The following MAK variants were observed in gnomAD, a reference collection of about 807,000 sequenced individuals.
MAK encodes male germ cell associated kinase, also known as serine/threonine-protein kinase MAK.
A neutral mutation model predicts 82.6 loss-of-function variants in MAK; 65 were observed. The observed-to-expected ratio is 0.79, with a 90% CI of 0.64 to 0.97. MAK has a LOEUF of 0.97. MAK is among the 50% of genes least tolerant of loss of function. MAK has a pLI of 0.00. For missense variants in MAK, 703 were observed against 780.2 expected, an observed-to-expected ratio of 0.90 and a Z score of 1.18; for synonymous variants, 250 against 274.2, an observed-to-expected ratio of 0.91 and a Z score of 0.87.
rs758750076 is a variant in MAK at position 10,808,879 on chromosome 6, A to G, written c.422T>C (p.Ile141Thr). Reference protein sequence around the residue: ...LLCMGPELVKIADFGLARELR... With the variant: ...LLCMGPELVKTADFGLARELR... ...TTCTCTTGCAAGTCCAAAATCAGCA[A>G]TTTTCACAAGCTCTGGACCCATACA... Residue 141 changes from isoleucine to threonine, a missense_variant, in exon 6 of 15, where the codon ATT becomes ACT. Coordinates refer to ENST00000354489, the MANE Select transcript of MAK (RefSeq NM_001242957.3). The G allele has an allele frequency of 1.2e-6, 2 of 1,613,840 alleles. No individual in the cohort carries two copies. The highest frequency in any genetic ancestry group is 1.7e-6 in the Non-Finnish European group (2 of 1,179,838).
intron 6 of MAK, among the ~76,000 whole-genome samples, chr6:10,805,901 C>T (rs903287592): frequency 1.8e-4 from 28 of 152,326 alleles, no homozygotes; most frequent in African/African-American, 6.0e-4. Flanking sequence ...ATCAGTCTTA[C>T]TGGATTAAGA....
intron 2 of MAK, chr6:10,827,622 T>C (rs146015989): frequency 6.6e-6 from 1 of 152,340 alleles, no homozygotes; most frequent in Non-Finnish European, 1.5e-5. Context: ...ATATGAATTA[T>C]GTAGGTTAGG....
intron 8 of MAK, among the ~76,000 whole-genome samples, chr6:10,796,829 A>T (rs1362904480): frequency 6.6e-6 from 1 of 151,264 alleles, no homozygotes; most frequent in East Asian, 1.9e-4. Context: ...AAAAAGTACT[A>T]GTAGGAAAAA....
chr6:10,808,701 C>A, intron 6 of MAK, 109 bp downstream of exon 6: 1 of 1,075,156 alleles, frequency 9.3e-7, no homozygotes, highest in Non-Finnish European at 1.4e-6. Context: ...AAATTCAATT[C>A]TGTGTTTTAA....
At position 10,817,838 on chromosome 6, in the gene MAK, AT is replaced by A; in HGVS notation, c.278+11del. ...GAGAGAATAACAGGGAAAAACATGA[AT>A]AAAAACATACCTGTCTTTCATTAAT... is the stretch of plus-strand genomic sequence containing the variant. On this transcript the variant is annotated intron_variant, in intron 4 of 14. Transcript: ENST00000354489. 6.7e-7 allele frequency: 1 copy of A among 1,481,740 alleles called. No homozygotes were observed. Among genetic ancestry groups the A allele is most frequent in the Non-Finnish European group, 9.3e-7 (1 of 1,078,300 alleles). The allele number at this position is 1,481,740 out of a possible 1,614,324, so 91.8% of individuals were successfully genotyped here.
At chr6:10,764,676 A>C in intron 14 of MAK, 70 bp from the exon 15 acceptor site, 1 of 1,351,680 alleles carries the variant, frequency 7.4e-7, no homozygotes, top group Non-Finnish European at 1.1e-6. Flanking sequence ...AAAGAAATTC[A>C]TCCTCTCATT....
At chr6:10,837,802 A>C (rs530964282) in intron 1 of MAK, among the ~76,000 whole-genome samples, 34 of 152,330 alleles carry the variant, frequency 2.2e-4, no homozygotes, top group African/African-American at 7.9e-4. Flanking sequence ...GAAAAGGGAC[A>C]GTTTTCGTCA....
intron 4 of MAK, among the ~76,000 whole-genome samples, chr6:10,816,937 T>C (rs1279254362): frequency 1.3e-5 from 2 of 152,252 alleles, no homozygotes. Context: ...CATGTCTATA[T>C]AGAAGGCCTA....
In MAK at chr6:10,791,983, T is replaced by C. The variant is rs1204547381; in HGVS notation, c.1144-136A>G. 3.6e-5 allele frequency: 32 copies of C among 896,970 alleles called. No homozygotes were observed. The East Asian group carries it at 4.3e-4, about 12-fold the overall frequency. The allele number at this position is 896,970 out of a possible 1,614,324, so 55.6% of individuals were successfully genotyped here. A position where few individuals can be genotyped will look rare whatever the true frequency, so the allele number is the denominator to read the frequency against. On this transcript the variant is annotated intron_variant, in intron 9 of 14. Coordinates refer to ENST00000354489, the MANE Select transcript of MAK (RefSeq NM_001242957.3). ...CATACATGTAAGGGCATAACATATATACACATTTAAAAGCATGAACAAAAA... is the reference window on the plus strand; with the variant it reads ...CATACATGTAAGGGCATAACATATACACACATTTAAAAGCATGAACAAAAA...
chr6:10,787,058 C>G (rs895725034), intron 10 of MAK, among the ~76,000 whole-genome samples: 11 of 143,048 alleles, frequency 7.7e-5, no homozygotes, highest in African/African-American at 2.1e-4. Flanking sequence ...CACCAGTTCA[C>G]CTCCTATTCA....
chr6:10,784,031 A>C (rs892297473), intron 11 of MAK, among the ~76,000 whole-genome samples: 14 of 152,162 alleles, frequency 9.2e-5, no homozygotes, highest in East Asian at 3.8e-4. Flanking sequence ...AAAAAACAAA[A>C]AAACAAACAA....
chr6:10,780,710 C>A (rs1232995812), intron 11 of MAK, among the ~76,000 whole-genome samples: 2 of 151,992 alleles, frequency 1.3e-5, no homozygotes, highest in Non-Finnish European at 2.9e-5. Context: ...GCCTTAGCCT[C>A]CCAAAGTGCT....
At position 10,784,435 on chromosome 6, in the gene MAK, C is replaced by A. The variant is rs759716806; in HGVS notation, c.1454G>T (p.Arg485Ile). ...TSKQYYLKQS[R>I]YLPGVNPKKV... ...TTTGCTCTACTTACCTGGAAGATAT[C>A]TTGATTGTTTCAAGTAGTACTGTTT... The change falls in exon 11 of 15, where the codon AGA (arginine) becomes ATA (isoleucine). Residue 485 changes from arginine to isoleucine, a missense_variant. Coordinates refer to ENST00000354489, the MANE Select transcript of MAK (RefSeq NM_001242957.3). 1.2e-6 allele frequency: 2 copies of A among 1,614,042 alleles called. No individual in the cohort carries two copies. The highest frequency in any genetic ancestry group is 4.5e-5 in the East Asian group (2 of 44,892).
rs1018638191 is a variant in MAK, at chr6:10,763,963, C to T, written c.*489G>A. 1 of 153,724 alleles carries T rather than the reference C, an allele frequency of 6.5e-6. No homozygotes were observed. Among genetic ancestry groups the T allele is most frequent in the African/African-American group, 2.4e-5 (1 of 41,418 alleles). 9.5% of individuals were successfully genotyped at this position (153,724 alleles called of 1,614,324 possible). A position where few individuals can be genotyped will look rare whatever the true frequency, so the allele number is the denominator to read the frequency against. ...TTCTGTCATTGACAAAATGGCAGCG[C>T]AGAGCCTTAGTCAAATAAGAACCAC... On this transcript the variant is annotated 3_prime_UTR_variant, in exon 15 of 15. Coordinates refer to ENST00000354489, the MANE Select transcript of MAK (RefSeq NM_001242957.3).
rs1581671482 is a variant in MAK at position 10,784,501 on chromosome 6, G to A, written c.1388C>T (p.Ser463Phe). The change falls in exon 11 of 15, where the codon TCC becomes TTC. Residue 463 changes from serine to phenylalanine, a missense_variant. Coordinates refer to ENST00000354489, the MANE Select transcript of MAK (RefSeq NM_001242957.3). ...GENKSLPAVT[S>F]LKSDSELSTA... ...TGACAATTCGGAATCAGATTTTAGG[G>A]AAGTAACAGCAGGTAAGCTCTTGTT... is the stretch of plus-strand genomic sequence containing the variant. The A allele has an allele frequency of 1.2e-6, 2 of 1,614,004 alleles. No individual in the cohort carries two copies. Among genetic ancestry groups the A allele is most frequent in the African/African-American group, 2.7e-5 (2 of 74,926 alleles).
rs149543153 is a variant in MAK, at chr6:10,800,839, T to TCAACAA, written c.831+1047_831+1052dup. 3.3e-5 allele frequency among the ~76,000 whole-genome samples: 5 copies of TCAACAA among 151,634 alleles called. No homozygotes were observed. The highest frequency in any genetic ancestry group is 1.2e-4 in the African/African-American group (5 of 41,196). ...TGGGCAACAAGAGTGAAACTCCATC[T>TCAACAA]CAACAACAACAACAAAATGTAACCC... On this transcript the variant is annotated intron_variant, in intron 8 of 14. Coordinates refer to ENST00000354489, the MANE Select transcript of MAK (RefSeq NM_001242957.3). This position sits in a 1 kb window ranked among gnomAD's most constrained non-coding sequence, Gnocchi z 4.2.
At chr6:10,764,635 G>GTT in intron 14 of MAK, 29 bp from the exon 15 acceptor site, 4 of 1,605,408 alleles carry the variant, frequency 2.5e-6, no homozygotes, top group Non-Finnish European at 3.4e-6. Context: ...GGAAAACAGG[G>GTT]TTTTACTCAT....
In MAK at chr6:10,830,659, T is replaced by C. The variant is rs1778750278; in HGVS notation, c.-11A>G. On this transcript the variant is annotated 5_prime_UTR_variant, in exon 2 of 15. Coordinates refer to ENST00000354489, the MANE Select transcript of MAK (RefSeq NM_001242957.3). Reference sequence around the variant, plus strand: ...TGTGTATCGGTTCATCTTGGAAAAATAATGCAGCAGAAGTTGTTGATTGAA... The same window carrying C: ...TGTGTATCGGTTCATCTTGGAAAAACAATGCAGCAGAAGTTGTTGATTGAA... The C allele has an allele frequency of 1.9e-6, 3 of 1,597,356 alleles. No homozygotes were observed. Among genetic ancestry groups the C allele is most frequent in the Non-Finnish European group, 2.6e-6 (3 of 1,164,810 alleles).
intron 4 of MAK, among the ~76,000 whole-genome samples, chr6:10,817,187 G>A (rs1234643663): frequency 1.3e-5 from 2 of 151,530 alleles, no homozygotes; most frequent in Non-Finnish European, 2.9e-5. Context: ...CATTACTTCG[G>A]AAAATTATTT....
Sources: allele counts gnomAD v4.1 joint callset (sites outside exome capture counted in the v4.1 genomes callset), GRCh38; gene constraint gnomAD v4.1.1; non-coding constraint Gnocchi (gnomAD v3.1); transcripts MANE v1.5; gene names NCBI Gene and HGNC (gene_info 2026-07-23, HGNC 2026-07-21).